The following FAM120A variants were observed in gnomAD, a reference collection of about 807,000 sequenced individuals.
FAM120A encodes constitutive coactivator of PPAR-gamma-like protein 1.
A neutral mutation model predicts 109.7 loss-of-function variants in FAM120A; 15 were observed. The ratio of observed to expected loss-of-function variants is 0.14; its 90% CI spans 0.09 to 0.21. FAM120A has a LOEUF of 0.21. Ranked by LOEUF, FAM120A falls within the 10% of genes least tolerant of loss-of-function variation. FAM120A has a pLI of 1.00. For synonymous variants in FAM120A, 493 were observed against 572.8 expected (o/e 0.86, Z 1.99); for missense variants, 899 against 1,439.3 (o/e 0.62, Z 6.07).
At position 93,500,618 on chromosome 9, in the gene FAM120A, T is replaced by G. The variant is rs1441255959; in HGVS notation, c.1030+1732T>G. ...TGGATAAATATTTGACTGAATGAAT[T>G]GATCCACTTGGTTTTTAAATCAAGA... is the stretch of plus-strand genomic sequence containing the variant. On this transcript the variant is annotated intron_variant, in intron 5 of 17. Coordinates refer to ENST00000277165, the MANE Select transcript of FAM120A (RefSeq NM_014612.5). The surrounding 1 kb of genome is among the most constrained non-coding windows in gnomAD (Gnocchi z 4.6). 3.9e-5 allele frequency among the ~76,000 whole-genome samples: 6 copies of G among 152,232 alleles called. No individual in the cohort carries two copies. The highest frequency in any genetic ancestry group is 8.8e-5 in the Non-Finnish European group (6 of 68,044).
At chr9:93,523,714 G>C (rs1040453452) in intron 7 of FAM120A, among the ~76,000 whole-genome samples, 1 of 152,218 alleles carries the variant, frequency 6.6e-6, no homozygotes, top group Admixed American at 6.5e-5. Flanking sequence ...ACTGTCTTCT[G>C]ATGACAGCGA....
chr9:93,526,072 G>A (rs1163051834), intron 7 of FAM120A, among the ~76,000 whole-genome samples: 2 of 152,226 alleles, frequency 1.3e-5, no homozygotes, highest in Admixed American at 1.3e-4. Context: ...CAGGCCAGTT[G>A]ACCCATGCTG....
chr9:93,535,845 T>C (rs1861495150), intron 10 of FAM120A, among the ~76,000 whole-genome samples: 1 of 152,216 alleles, frequency 6.6e-6, no homozygotes, highest in African/African-American at 2.4e-5. Flanking sequence ...CCAACCTTGT[T>C]TGAGAATTGA....
Position 93,529,409 on chromosome 9 carries a change from C to G in FAM120A, c.1563C>G (p.Ser521Arg). The G allele has an allele frequency of 6.2e-7, 1 of 1,613,652 alleles. No homozygotes were observed. The highest frequency in any genetic ancestry group is 2.2e-5 in the East Asian group (1 of 44,876). ...GCCAACTAGCCGAAGGCAAGGGAAG[C>G]CAGATGGGCACTGTCCAGCCAATCC... is the stretch of plus-strand genomic sequence containing the variant. Reference protein sequence around the residue: ...SGSQLAEGKGSQMGTVQPIPC... With the variant: ...SGSQLAEGKGRQMGTVQPIPC... Residue 521 changes from serine to arginine, a missense_variant, in exon 9 of 18, where the codon AGC (serine) becomes AGG (arginine). Physicochemically the swap from Ser to Arg is moderately radical, Grantham distance 110. This residue lies in a region of FAM120A where 57 missense variants were observed against 52.9 expected (regional missense o/e 1.08). Coordinates refer to ENST00000277165, the MANE Select transcript of FAM120A (RefSeq NM_014612.5).
intron 17 of FAM120A, 111 bp from the exon 18 acceptor site, chr9:93,564,118 G>T: frequency 9.3e-7 from 1 of 1,073,000 alleles, no homozygotes; most frequent in Non-Finnish European, 1.4e-6. Flanking sequence ...ACCCAGCTGG[G>T]CATTTTCTGC....
intron 11 of FAM120A, among the ~76,000 whole-genome samples, chr9:93,544,744 A>C (rs1388388905): frequency 7.2e-5 from 11 of 152,290 alleles, no homozygotes; most frequent in Non-Finnish European, 5.9e-5. Context: ...CCTTTATGAC[A>C]AGGAACCTGT....
In FAM120A at chr9:93,558,614, C is replaced by T. The variant is rs1303879801; in HGVS notation, c.2702C>T (p.Thr901Met). The change falls in exon 15 of 18, where the codon ACG (threonine) becomes ATG (methionine). Residue 901 changes from threonine (T) to methionine (M), a missense_variant. This residue lies in a region of FAM120A where 129 missense variants were observed against 153.4 expected (regional missense o/e 0.84). Coordinates refer to ENST00000277165, the MANE Select transcript of FAM120A (RefSeq NM_014612.5). ...VCGFGGPYGE[T>M]VATGPYRAFR... is the part of the protein sequence containing the mutation. ...GGCTTTGGAGGCCCCTATGGGGAAACGGTAGCAACAGGCCCTTACCGTGCC... is the reference window on the plus strand; with the variant it reads ...GGCTTTGGAGGCCCCTATGGGGAAATGGTAGCAACAGGCCCTTACCGTGCC... 1.8e-5 allele frequency: 29 copies of T among 1,614,060 alleles called. No individual in the cohort carries two copies. The highest frequency in any genetic ancestry group is 3.3e-4 in the Middle Eastern group (2 of 6,084).
chr9:93,456,322 G>C (rs1857547349), intron 1 of FAM120A, among the ~76,000 whole-genome samples: 1 of 152,202 alleles, frequency 6.6e-6, no homozygotes, highest in African/African-American at 2.4e-5. Context: ...TGTGGTATCA[G>C]TGTAAGGGTT....
intron 1 of FAM120A, among the ~76,000 whole-genome samples, chr9:93,464,022 G>A (rs1384072534): frequency 3.3e-5 from 5 of 152,178 alleles, no homozygotes; most frequent in Admixed American, 6.5e-5. Context: ...TCTTACAGAT[G>A]AGGAAATGGA....
At chr9:93,529,739 G>C in intron 9 of FAM120A, 159 bp downstream of exon 9, 1 of 704,954 alleles carries the variant, frequency 1.4e-6, no homozygotes, top group South Asian at 1.6e-5. Context: ...AATGAAAGAT[G>C]AACATTTATA....
intron 3 of FAM120A, among the ~76,000 whole-genome samples, chr9:93,483,937 C>T (rs1419074512): frequency 6.6e-6 from 1 of 152,054 alleles, no homozygotes; most frequent in Non-Finnish European, 1.5e-5. Context: ...CAGTCTGTGT[C>T]CTCTATTGCC....
chr9:93,557,396 C>T (rs1015887953), intron 13 of FAM120A, among the ~76,000 whole-genome samples: 8 of 152,118 alleles, frequency 5.3e-5, no homozygotes, highest in Non-Finnish European at 7.4e-5. Flanking sequence ...TCCCAAAGTG[C>T]TGGGATTACA....
In FAM120A at chr9:93,564,395, C is replaced by G; in HGVS notation, c.3212C>G (p.Ala1071Gly). The change falls in exon 18 of 18, where the codon GCC becomes GGC. Residue 1071 changes from alanine (A) to glycine (G), a missense_variant. Transcript: ENST00000277165. The stretch of plus-strand genomic sequence containing the variant: ...CAGATGAACGGGAGCACGGGTGACG[C>G]CAGGGCCCCCAGCCACTCTGAAAGT... The part of the protein sequence containing the change: ...APQMNGSTGD[A>G]RAPSHSESAL... 6.2e-7 allele frequency: 1 copy of G among 1,613,994 alleles called. No individual in the cohort carries two copies. Among genetic ancestry groups the G allele is most frequent in the Non-Finnish European group, 8.5e-7 (1 of 1,179,994 alleles).
rs1172603050 is a variant in FAM120A, at chr9:93,532,518, C to T, written c.1909+189C>T. 5.0e-6 allele frequency: 3 copies of T among 603,414 alleles called. No homozygotes were observed. The highest frequency in any genetic ancestry group is 8.8e-6 in the Non-Finnish European group (3 of 339,754). 37.4% of individuals were successfully genotyped at this position (603,414 alleles called of 1,614,324 possible). ...AAAAGGAGGAGAAGCCACAGACTTT[C>T]TTCCTCAGTAACATTCCAATAATGA... On this transcript the variant is annotated intron_variant, in intron 10 of 17. Transcript: ENST00000277165. The surrounding 1 kb of genome is among the most constrained non-coding windows in gnomAD (Gnocchi z 4.3).
intron 3 of FAM120A, among the ~76,000 whole-genome samples, chr9:93,479,311 G>A (rs1858696830): frequency 6.6e-6 from 1 of 151,950 alleles, no homozygotes; most frequent in South Asian, 2.1e-4. Flanking sequence ...TTTTAGCTGG[G>A]ATGGTCTCGA....
intron 13 of FAM120A, among the ~76,000 whole-genome samples, chr9:93,556,971 G>A (rs1862302746): frequency 6.6e-6 from 1 of 152,004 alleles, no homozygotes; most frequent in South Asian, 2.1e-4. Context: ...TATATAATAT[G>A]GATTGTTGAT....
At chr9:93,493,681 G>T (rs1859437852) in intron 3 of FAM120A, among the ~76,000 whole-genome samples, 1 of 152,194 alleles carries the variant, frequency 6.6e-6, no homozygotes, top group African/African-American at 2.4e-5. Flanking sequence ...AATAAAACAG[G>T]CAGGTGCTCT....
chr9:93,552,784 A>G (rs2131549384), intron 12 of FAM120A, among the ~76,000 whole-genome samples: 1 of 152,352 alleles, frequency 6.6e-6, no homozygotes, highest in Middle Eastern at 3.4e-3. Flanking sequence ...GTTGTAATAC[A>G]CCATTCATAG....
chr9:93,524,064 C>G (rs1860963166), intron 7 of FAM120A, among the ~76,000 whole-genome samples: 2 of 152,248 alleles, frequency 1.3e-5, no homozygotes, highest in South Asian at 2.1e-4. Flanking sequence ...CTTTGTTACA[C>G]TATCAGAGAC....
Sources: allele counts gnomAD v4.1 joint callset (sites outside exome capture counted in the v4.1 genomes callset), GRCh38; gene constraint gnomAD v4.1.1; regional missense constraint gnomAD v4.1.1; non-coding constraint Gnocchi (gnomAD v3.1); transcripts MANE v1.5; gene names NCBI Gene and HGNC (gene_info 2026-07-23, HGNC 2026-07-21).